The following MFHAS1 variants were observed in gnomAD, a reference collection of about 807,000 sequenced individuals.
The protein encoded by MFHAS1 is malignant fibrous histiocytoma-amplified sequence 1.
A neutral mutation model predicts 70.4 loss-of-function variants in MFHAS1; 50 were observed. The ratio of observed to expected loss-of-function variants is 0.71; its 90% CI spans 0.57 to 0.90. The LOEUF is 0.90. MFHAS1 is among the 40% of genes least tolerant of loss of function. The pLI is 0.00. For missense variants in MFHAS1, 1,795 were observed against 1,347.6 expected (o/e 1.33, Z -5.20); for synonymous variants, 952 against 620.0 (o/e 1.54, Z -7.96).
intron 1 of MFHAS1, among the ~76,000 whole-genome samples, chr8:8,883,707 C>CAAAAAAAAAAAAAAA (rs35799658): frequency 6.8e-5 from 2 of 29,588 alleles, no homozygotes; most frequent in African/African-American, 2.8e-4. Flanking sequence ...GACTCAGTCT[C>CAAAAAAAAAAAAAAA]AAAAAAAAAA....
At chr8:8,819,173 A>G (rs1019829630) in intron 1 of MFHAS1, among the ~76,000 whole-genome samples, 3 of 152,200 alleles carry the variant, frequency 2.0e-5, no homozygotes, top group African/African-American at 7.2e-5. Context: ...AACTTTTAAA[A>G]AGCATACAAA....
intron 1 of MFHAS1, among the ~76,000 whole-genome samples, chr8:8,833,808 T>A (rs557391185): frequency 5.7e-4 from 87 of 152,196 alleles, no homozygotes; most frequent in African/African-American, 2.0e-3. Flanking sequence ...AAATGTCCCA[T>A]CAAATGAATG....
At chr8:8,876,146 A>T (rs1048604762) in intron 1 of MFHAS1, among the ~76,000 whole-genome samples, 2 of 152,192 alleles carry the variant, frequency 1.3e-5, no homozygotes, top group Admixed American at 6.5e-5. Context: ...GAACCAACAC[A>T]AACTATTATG....
chr8:8,828,570 A>C (rs1807250225), intron 1 of MFHAS1, among the ~76,000 whole-genome samples: 1 of 152,190 alleles, frequency 6.6e-6, no homozygotes, highest in African/African-American at 2.4e-5. Flanking sequence ...TCAGTTTCAG[A>C]CACGACCAGT....
intron 1 of MFHAS1, among the ~76,000 whole-genome samples, chr8:8,859,399 G>A (rs1396835091): frequency 2.0e-5 from 3 of 152,150 alleles, no homozygotes; most frequent in African/African-American, 7.2e-5. Flanking sequence ...CTTCTCAGAG[G>A]CCTTCTCATA....
intron 1 of MFHAS1, among the ~76,000 whole-genome samples, chr8:8,856,318 G>A (rs547534808): frequency 3.9e-5 from 6 of 152,216 alleles, no homozygotes; most frequent in Non-Finnish European, 7.3e-5. Flanking sequence ...TCATGGCACT[G>A]GGGCAAGCAT....
Position 8,890,429 on chromosome 8 carries a change from G to T in MFHAS1, c.2630C>A (p.Ala877Asp). The T allele has an allele frequency of 1.9e-6, 3 of 1,613,926 alleles. No homozygotes were observed. The highest frequency in any genetic ancestry group is 2.5e-6 in the Non-Finnish European group (3 of 1,180,038). Reference protein sequence around the residue: ...GTNLAGQSFVAEQLQIEYSFP... With the variant: ...GTNLAGQSFVDEQLQIEYSFP... ...GCTATATTCAATCTGCAACTGCTCAGCCACAAAAGACTGCCCAGCTAGGTT... is the reference window on the plus strand; with the variant it reads ...GCTATATTCAATCTGCAACTGCTCATCCACAAAAGACTGCCCAGCTAGGTT... The change falls in exon 1 of 3, where the codon GCT (alanine) becomes GAT (aspartate). Residue 877 changes from alanine to aspartate, a missense_variant. Ala to Asp is a moderately radical substitution (Grantham distance 126, BLOSUM62 -2). Transcript: ENST00000276282.
At chr8:8,810,299 G>C (rs1166205963) in intron 1 of MFHAS1, among the ~76,000 whole-genome samples, 8 of 152,212 alleles carry the variant, frequency 5.3e-5, no homozygotes, top group African/African-American at 1.4e-4. Context: ...CTGGGAGGTG[G>C]AGGTTGCAGT....
intron 1 of MFHAS1, among the ~76,000 whole-genome samples, chr8:8,871,206 A>G (rs1411282353): frequency 1.3e-5 from 2 of 152,178 alleles, no homozygotes; most frequent in Non-Finnish European, 2.9e-5. Flanking sequence ...TCTGTAAACC[A>G]GGATGATGGT....
At chr8:8,803,928 T>G (rs1443925269) in intron 1 of MFHAS1, among the ~76,000 whole-genome samples, 2 of 151,104 alleles carry the variant, frequency 1.3e-5, no homozygotes, top group African/African-American at 4.9e-5. Context: ...GCCGAGACTG[T>G]GCCATTGCAC....
At chr8:8,827,120 T>A (rs961747593) in intron 1 of MFHAS1, among the ~76,000 whole-genome samples, 1 of 152,252 alleles carries the variant, frequency 6.6e-6, no homozygotes, top group African/African-American at 2.4e-5. Flanking sequence ...TTTAGTATCC[T>A]GAACCTTTCC....
rs753135388 is a variant in MFHAS1, at chr8:8,892,588, G to A, written c.471C>T (p.Leu157=). Reference sequence around the variant, plus strand: ...TGACATCCAGCTCCTCCAGGTGAGCGAGAGCGCCCAGCTGGGCGGGCAGGG... The same window carrying A: ...TGACATCCAGCTCCTCCAGGTGAGCAAGAGCGCCCAGCTGGGCGGGCAGGG... ...LPALPAQLGA[L]AHLEELDVSF... Residue 157 remains leucine, a synonymous_variant, in exon 1 of 3, where the codon CTC becomes CTT. Coordinates refer to ENST00000276282, the MANE Select transcript of MFHAS1 (RefSeq NM_004225.3). This position sits in a 1 kb window ranked among gnomAD's most constrained non-coding sequence, Gnocchi z 4.7. 1 of 1,608,224 alleles carries A rather than the reference G, an allele frequency of 6.2e-7. No homozygotes were observed. The highest frequency in any genetic ancestry group is 1.3e-5 in the African/African-American group (1 of 74,694).
At chr8:8,837,273 C>T (rs1807631776) in intron 1 of MFHAS1, among the ~76,000 whole-genome samples, 1 of 152,052 alleles carries the variant, frequency 6.6e-6, no homozygotes, top group Non-Finnish European at 1.5e-5. Context: ...GCTTTCAAGT[C>T]CAAATATTTT....
intron 1 of MFHAS1, among the ~76,000 whole-genome samples, chr8:8,806,944 C>A (rs369044646): frequency 6.6e-6 from 1 of 151,512 alleles, no homozygotes; most frequent in African/African-American, 2.4e-5. Context: ...CCTGGGGACA[C>A]AGCCAGACTC....
chr8:8,797,770 C>A (rs1384152013), intron 1 of MFHAS1, among the ~76,000 whole-genome samples: 1 of 152,182 alleles, frequency 6.6e-6, no homozygotes, highest in Non-Finnish European at 1.5e-5. Flanking sequence ...CTCTGCTCAC[C>A]TTCCTTTTAA....
intron 1 of MFHAS1, among the ~76,000 whole-genome samples, chr8:8,843,162 G>C (rs921234194): frequency 6.6e-6 from 1 of 151,664 alleles, no homozygotes; most frequent in African/African-American, 2.4e-5. Context: ...CCAGCTACTC[G>C]GGAGGCTGAG....
intron 1 of MFHAS1, among the ~76,000 whole-genome samples, chr8:8,865,442 A>C (rs775996588): frequency 1.3e-5 from 2 of 152,190 alleles, no homozygotes; most frequent in Non-Finnish European, 2.9e-5. Context: ...AAAGAGACAC[A>C]AGGTACAGAG....
intron 1 of MFHAS1, among the ~76,000 whole-genome samples, chr8:8,819,977 C>A (rs1354902110): frequency 6.6e-6 from 1 of 152,170 alleles, no homozygotes; most frequent in African/African-American, 2.4e-5. Context: ...GGACTGCAGG[C>A]ATGAGCCACC....
intron 1 of MFHAS1, among the ~76,000 whole-genome samples, chr8:8,819,250 C>T (rs1022839884): frequency 1.3e-5 from 2 of 152,114 alleles, no homozygotes; most frequent in South Asian, 4.1e-4. Flanking sequence ...TATATACATG[C>T]AAATATATAT....
Sources: allele counts gnomAD v4.1 joint callset (sites outside exome capture counted in the v4.1 genomes callset), GRCh38; gene constraint gnomAD v4.1.1; non-coding constraint Gnocchi (gnomAD v3.1); transcripts MANE v1.5; gene names NCBI Gene and HGNC (gene_info 2026-07-23, HGNC 2026-07-21).